The following FA2H variants were observed in gnomAD, a reference collection of about 807,000 sequenced individuals.
FA2H encodes the protein fatty acid 2-hydroxylase.
A neutral mutation model predicts 44.9 loss-of-function variants in FA2H; 22 were observed. That is an observed-to-expected ratio of 0.49 (90% CI 0.35 to 0.70). The LOEUF (loss-of-function observed/expected upper bound fraction) is 0.70, where lower values mean the gene tolerates loss of function less well. Among genes scored for constraint, FA2H ranks in the 30% least tolerant of loss-of-function variants. The pLI, the probability that FA2H is intolerant of heterozygous loss-of-function variation, is 0.01. For synonymous variants in FA2H, 243 were observed against 213.2 expected, an observed-to-expected ratio of 1.14 and a Z score of -1.22; for missense variants, 501 against 504.9, an observed-to-expected ratio of 0.99 and a Z score of 0.07.
chr16:74,754,706 T>G (rs963875087), intron 1 of FA2H, among the ~76,000 whole-genome samples: 1 of 151,952 alleles, frequency 6.6e-6, no homozygotes, highest in Admixed American at 6.6e-5. Flanking sequence ...TTTTGTATTT[T>G]TTATAGAGAC....
intron 2 of FA2H, among the ~76,000 whole-genome samples, chr16:74,729,791 C>T (rs184721554): frequency 1.3e-5 from 2 of 152,040 alleles, no homozygotes; most frequent in Admixed American, 1.3e-4. Context: ...TCAGTGCCCT[C>T]ATCTGTGATG....
intron 4 of FA2H, among the ~76,000 whole-genome samples, chr16:74,722,266 G>A (rs566500637): frequency 5.1e-4 from 78 of 152,240 alleles, no homozygotes; most frequent in African/African-American, 1.8e-3. Context: ...CTGAACATGG[G>A]GGCTCATGCC....
chr16:74,754,196 G>C (rs893686805), intron 1 of FA2H, among the ~76,000 whole-genome samples: 1 of 152,192 alleles, frequency 6.6e-6, no homozygotes, highest in African/African-American at 2.4e-5. Flanking sequence ...GGGAGTTCAA[G>C]ACCAGACTGG....
rs80215625 is a variant in FA2H at position 74,713,907 on chromosome 16, C to T, written c.*283G>A. On this transcript the variant is annotated 3_prime_UTR_variant, in exon 7 of 7. Coordinates refer to ENST00000219368, the MANE Select transcript of FA2H (RefSeq NM_024306.5). Reference sequence around the variant, plus strand: ...CCCTTGCGGCTGCTACCTGTGGCCACGGCCTGAAGCAGTCCTGTGGGCTGA... The same window carrying T: ...CCCTTGCGGCTGCTACCTGTGGCCATGGCCTGAAGCAGTCCTGTGGGCTGA... 76 of 432,806 alleles carry T rather than the reference C, an allele frequency of 1.8e-4. No individual in the cohort carries two copies. In the Admixed American group the frequency reaches 2.2e-3, roughly 12 times the overall value. The allele number at this position is 432,806 out of a possible 1,614,324, so 26.8% of individuals were successfully genotyped here. A position where few individuals can be genotyped will look rare whatever the true frequency, so the allele number is the denominator to read the frequency against.
intron 2 of FA2H, among the ~76,000 whole-genome samples, chr16:74,733,931 G>A (rs1199356239): frequency 1.3e-5 from 2 of 152,186 alleles, no homozygotes; most frequent in Non-Finnish European, 2.9e-5. Context: ...GTATTGCCTG[G>A]GAGGAGGGGT....
At chr16:74,741,806 A>ATATATATATG (rs2058906550) in intron 1 of FA2H, among the ~76,000 whole-genome samples, 4 of 60,760 alleles carry the variant, frequency 6.6e-5, no homozygotes, top group African/African-American at 3.1e-4. Flanking sequence ...ATATATATAT[A>ATATATATATG]TATGTGTGTG....
intron 1 of FA2H, 138 bp from the exon 2 acceptor site, chr16:74,740,253 G>T: frequency 1.4e-6 from 1 of 729,142 alleles, no homozygotes; most frequent in Non-Finnish European, 2.5e-6. Context: ...CAAGGACGCT[G>T]GGTACTTTGG....
intron 1 of FA2H, among the ~76,000 whole-genome samples, chr16:74,754,059 C>T (rs935688088): frequency 6.6e-6 from 1 of 152,186 alleles, no homozygotes; most frequent in Admixed American, 6.6e-5. Flanking sequence ...CATTCATATT[C>T]ACTTTCATCT....
intron 1 of FA2H, among the ~76,000 whole-genome samples, chr16:74,740,673 T>TAAAAA (rs1192790446): frequency 0.01 from 1,435 of 141,034 alleles, 11 homozygotes; most frequent in East Asian, 0.02. Context: ...AATAATAAAA[T>TAAAAA]TTCTGCATAA....
chr16:74,774,413 G>T, intron 1 of FA2H, 73 bp downstream of exon 1: 1 of 1,405,490 alleles, frequency 7.1e-7, no homozygotes, highest in South Asian at 1.5e-5. Context: ...GAGGGCAAGT[G>T]AACGGGGCTC....
At chr16:74,740,195 C>G (rs1314418440) in intron 1 of FA2H, 80 bp from the exon 2 acceptor site, 3 of 1,178,216 alleles carry the variant, frequency 2.5e-6, no homozygotes, top group Non-Finnish European at 3.8e-6. Flanking sequence ...CGAGAAGAGG[C>G]AGCCAGGAGT....
intron 1 of FA2H, among the ~76,000 whole-genome samples, chr16:74,761,735 A>G (rs1962715811): frequency 6.6e-6 from 1 of 152,232 alleles, no homozygotes; most frequent in Admixed American, 6.5e-5. Context: ...AGAGGGTGCT[A>G]TCATCCAACA....
chr16:74,762,289 C>T (rs778551016), intron 1 of FA2H, among the ~76,000 whole-genome samples: 4 of 152,178 alleles, frequency 2.6e-5, no homozygotes, highest in African/African-American at 7.2e-5. Context: ...GTGATCCACC[C>T]GCCTCGGCCT....
chr16:74,748,303 C>A (rs991262295), intron 1 of FA2H, among the ~76,000 whole-genome samples: 1 of 152,212 alleles, frequency 6.6e-6, no homozygotes, highest in Non-Finnish European at 1.5e-5. Context: ...TTCCCCCACC[C>A]CCCACGTGGC....
intron 4 of FA2H, among the ~76,000 whole-genome samples, chr16:74,724,465 G>A (rs75207458): frequency 0.072 from 10,909 of 152,208 alleles, 522 homozygotes; most frequent in Non-Finnish European, 0.11. Flanking sequence ...CCTTGAACTG[G>A]TGTCTGCGTT....
At chr16:74,757,712 T>G (rs574198983) in intron 1 of FA2H, among the ~76,000 whole-genome samples, 1 of 152,194 alleles carries the variant, frequency 6.6e-6, no homozygotes, top group Admixed American at 6.5e-5. Context: ...ATGTGAGAAA[T>G]AAAAAGATAA....
At chr16:74,725,296 G>A in intron 4 of FA2H, among the ~76,000 whole-genome samples, 1 of 152,204 alleles carries the variant, frequency 6.6e-6, no homozygotes, top group Admixed American at 6.5e-5. Flanking sequence ...AGGGAAAAGA[G>A]CTTCCCCTGG....
Position 74,716,447 on chromosome 16 carries a change from C to T in FA2H, c.939G>A (p.Met313Ile). The change falls in exon 6 of 7, where the codon ATG becomes ATA. Residue 313 changes from methionine to isoleucine, a missense_variant. Coordinates refer to ENST00000219368, the MANE Select transcript of FA2H (RefSeq NM_024306.5). ...AGCCAAAGTGCAGGTAGTAATGGGT[C>T]ATGTCATAGAGGACGTAGCCCAGGA... ...GGLLGYVLYD[M>I]THYYLHFGSP... 10 of 1,613,986 alleles carry T rather than the reference C, an allele frequency of 6.2e-6. No homozygotes were observed. Among genetic ancestry groups the T allele is most frequent in the Non-Finnish European group, 8.5e-6 (10 of 1,180,018 alleles).
chr16:74,743,271 T>C (rs567316177), intron 1 of FA2H, among the ~76,000 whole-genome samples: 36 of 152,386 alleles, frequency 2.4e-4, no homozygotes, highest in Non-Finnish European at 8.8e-5. Context: ...CGATGATCTA[T>C]CTGTAACAGG....
Sources: allele counts gnomAD v4.1 joint callset (sites outside exome capture counted in the v4.1 genomes callset), GRCh38; gene constraint gnomAD v4.1.1; transcripts MANE v1.5; gene names NCBI Gene and HGNC (gene_info 2026-07-23, HGNC 2026-07-21).